Variants in ADGRL3 observed in about 807,000 individuals in gnomAD.
ADGRL3 encodes the protein calcium-independent alpha-latrotoxin receptor 3.
In ADGRL3, 62 loss-of-function variants were observed where a neutral mutation model predicts 153.5. The ratio of observed to expected loss-of-function variants is 0.40; its 90% CI spans 0.33 to 0.50. The LOEUF (loss-of-function observed/expected upper bound fraction) is 0.50, where lower values mean the gene tolerates loss of function less well. ADGRL3 is among the 20% of genes least tolerant of loss of function. The probability of loss-of-function intolerance (pLI) is 0.47; values close to 1 mark genes in which losing one functional copy is unlikely to be tolerated. For synonymous variants in ADGRL3, 710 were observed against 672.5 expected (o/e 1.06, Z -0.86); for missense variants, 1,641 against 1,859.4 (o/e 0.88, Z 2.16).
At position 61,623,264 on chromosome 4, in the gene ADGRL3, G is replaced by A. The variant is rs183973551; in HGVS notation, c.473+35824G>A. 9.6e-4 allele frequency among the ~76,000 whole-genome samples: 146 copies of A among 151,976 alleles called. 2 individuals are homozygous for A. Among genetic ancestry groups the A allele is most frequent in the African/African-American group, 3.3e-3 (138 of 41,448 alleles). ...TGTTCTTGCTTCTCTTAGTTTAACC[G>A]TACACACTGTCCTGATAAAACCAGT... On this transcript the variant is annotated intron_variant, in intron 5 of 26. Coordinates refer to ENST00000683033, the MANE Select transcript of ADGRL3 (RefSeq NM_001387552.1).
rs1404565049 is a variant in ADGRL3 at position 61,617,813 on chromosome 4, C to T, written c.473+30373C>T. The stretch of plus-strand genomic sequence containing the variant: ...CTAAGCAAAATCCTCAACGTATTCT[C>T]TGTTAACATGTGTTATAAATCCTAC... On this transcript the variant is annotated intron_variant, in intron 5 of 26. Coordinates refer to ENST00000683033, the MANE Select transcript of ADGRL3 (RefSeq NM_001387552.1). Among the ~76,000 whole-genome samples the T allele has an allele frequency of 2.0e-5, 3 of 152,208 alleles. No individual in the cohort carries two copies. The East Asian group carries it at 5.8e-4, about 29-fold the overall frequency.
chr4:62,031,035 G>A (rs1247622223), intron 22 of ADGRL3, among the ~76,000 whole-genome samples: 1 of 151,470 alleles, frequency 6.6e-6, no homozygotes, highest in Non-Finnish European at 1.5e-5. Flanking sequence ...AGGTAAAAAT[G>A]TATCAGAAGA....
intron 5 of ADGRL3, among the ~76,000 whole-genome samples, chr4:61,645,747 T>C (rs1560991268): frequency 6.6e-6 from 1 of 152,062 alleles, no homozygotes; most frequent in Non-Finnish European, 1.5e-5. Flanking sequence ...CTTTGGTGAA[T>C]CTGACAATTA....
intron 7 of ADGRL3, among the ~76,000 whole-genome samples, chr4:61,731,952 T>C (rs2096450503): frequency 6.6e-6 from 1 of 152,144 alleles, no homozygotes; most frequent in Admixed American, 6.6e-5. Context: ...AGCAAAATAT[T>C]ATAGCAAGTA....
chr4:61,714,277 T>C (rs2096063033), intron 6 of ADGRL3, among the ~76,000 whole-genome samples: 1 of 148,006 alleles, frequency 6.8e-6, no homozygotes, highest in Non-Finnish European at 1.5e-5. Context: ...AAGTGACAGC[T>C]AAATAAATAT....
intron 9 of ADGRL3, among the ~76,000 whole-genome samples, chr4:61,881,454 C>T (rs1323209562): frequency 6.6e-6 from 1 of 152,218 alleles, no homozygotes; most frequent in African/African-American, 2.4e-5. Flanking sequence ...TCTTGGCTCA[C>T]TGCAACCTCC....
At chr4:61,264,976 A>C (rs1209117977) in intron 1 of ADGRL3, among the ~76,000 whole-genome samples, 1 of 151,948 alleles carries the variant, frequency 6.6e-6, no homozygotes, top group Non-Finnish European at 1.5e-5. Context: ...CAGTTGGTCT[A>C]TAAAGTTGTA....
chr4:61,938,756 C>T (rs558753073), intron 15 of ADGRL3, among the ~76,000 whole-genome samples: 10 of 148,088 alleles, frequency 6.8e-5, no homozygotes, highest in Admixed American at 2.1e-4. Flanking sequence ...GCAACGTCTC[C>T]GCAATAAGCT....
At chr4:61,218,818 A>G (rs1203378916) in intron 1 of ADGRL3, among the ~76,000 whole-genome samples, 1 of 152,244 alleles carries the variant, frequency 6.6e-6, no homozygotes, top group African/African-American at 2.4e-5. Flanking sequence ...GGATTGAGAG[A>G]AATGGTATGA....
Position 62,071,609 on chromosome 4 carries a change from C to G in ADGRL3, c.*701C>G. The G allele has an allele frequency of 3.0e-6, 1 of 335,116 alleles. No individual in the cohort carries two copies. The highest frequency in any genetic ancestry group is 5.8e-6 in the Non-Finnish European group (1 of 173,870). The allele number at this position is 335,116 out of a possible 1,614,324, so 20.8% of individuals were successfully genotyped here. On this transcript the variant is annotated 3_prime_UTR_variant, in exon 27 of 27. Transcript: ENST00000683033. ...CACATATAGTCTGCTTTCTGTTCCTCCAGAATTTGAGTCCTGTTAATGTAG... is the reference window on the plus strand; with the variant it reads ...CACATATAGTCTGCTTTCTGTTCCTGCAGAATTTGAGTCCTGTTAATGTAG...
chr4:61,705,690 G>T (rs955360242), intron 6 of ADGRL3, among the ~76,000 whole-genome samples: 6 of 151,924 alleles, frequency 3.9e-5, no homozygotes, highest in East Asian at 3.9e-4. Context: ...GTAGAGACAG[G>T]GTTTCGCCAT....
rs771544117 is a variant in ADGRL3 at position 61,517,384 on chromosome 4, G to A, written c.125G>A (p.Gly42Asp). 454 of 711,872 alleles carry A rather than the reference G, an allele frequency of 6.4e-4. 7 individuals carry two copies. Among genetic ancestry groups the A allele is most frequent in the Middle Eastern group, 2.2e-3 (9 of 4,122 alleles). 44.1% of individuals were successfully genotyped at this position (711,872 alleles called of 1,614,324 possible). ...CGACACGCTGAGCGCAGCCCAGGAGGCGCTCTTCCACCCAGACATCTGCTT... is the reference window on the plus strand; with the variant it reads ...CGACACGCTGAGCGCAGCCCAGGAGACGCTCTTCCACCCAGACATCTGCTT... ...PLRHAERSPG[G>D]ALPPRHLLQQ... The change falls in exon 4 of 27, where the codon GGC becomes GAC. Residue 42 changes from glycine to aspartate, a missense_variant. Transcript: ENST00000683033.
At chr4:61,527,965 C>T (rs1374248288) in intron 4 of ADGRL3, among the ~76,000 whole-genome samples, 2 of 152,066 alleles carry the variant, frequency 1.3e-5, no homozygotes, top group Non-Finnish European at 2.9e-5. Context: ...CATGCCCTTT[C>T]CTCTCTTTTG....
At chr4:61,402,942 A>G (rs2096948250) in intron 2 of ADGRL3, among the ~76,000 whole-genome samples, 1 of 151,902 alleles carries the variant, frequency 6.6e-6, no homozygotes, top group Admixed American at 6.6e-5. Flanking sequence ...TTATTTTCCT[A>G]CATTTCTGGA....
intron 8 of ADGRL3, among the ~76,000 whole-genome samples, chr4:61,759,614 C>G (rs9761538): frequency 0.087 from 13,221 of 152,012 alleles, 1,224 homozygotes; most frequent in African/African-American, 0.23. Context: ...CCATGGGTTT[C>G]AACTTCCTCC....
intron 8 of ADGRL3, among the ~76,000 whole-genome samples, chr4:61,755,630 C>A (rs2096818388): frequency 6.6e-6 from 1 of 152,106 alleles, no homozygotes; most frequent in Admixed American, 6.6e-5. Flanking sequence ...TTAATTAGAT[C>A]CCATTTGTCA....
intron 26 of ADGRL3, among the ~76,000 whole-genome samples, chr4:62,068,583 A>G (rs1744244779): frequency 6.6e-6 from 1 of 152,134 alleles, no homozygotes; most frequent in African/African-American, 2.4e-5. Flanking sequence ...GACAAACCGA[A>G]ATAATAAACA....
chr4:61,698,947 T>G (rs1366382196), intron 6 of ADGRL3, among the ~76,000 whole-genome samples: 2 of 152,232 alleles, frequency 1.3e-5, no homozygotes, highest in Non-Finnish European at 2.9e-5. Context: ...AGCATCTCAC[T>G]TAAACCATTA....
chr4:61,280,082 A>G lies in ADGRL3; in HGVS notation c.-240+78317A>G, dbSNP rs896691210. On this transcript the variant is annotated intron_variant, in intron 1 of 26. Coordinates refer to ENST00000683033, the MANE Select transcript of ADGRL3 (RefSeq NM_001387552.1). The stretch of plus-strand genomic sequence containing the variant: ...GTTTATTTCTTTCTTAAATTGGTTT[A>G]AAGTATTTTCTTTTCTTTTCTTTTC... Among the ~76,000 whole-genome samples the G allele has an allele frequency of 5.3e-5, 8 of 151,124 alleles. No homozygotes were observed. The East Asian group carries it at 1.6e-3, about 29-fold the overall frequency.
Sources: allele counts gnomAD v4.1 joint callset (sites outside exome capture counted in the v4.1 genomes callset), GRCh38; gene constraint gnomAD v4.1.1; transcripts MANE v1.5; gene names NCBI Gene and HGNC (gene_info 2026-07-23, HGNC 2026-07-21).